Variants in ETV1 observed in about 807,000 individuals in gnomAD.
The protein encoded by ETV1 is ETS variant transcription factor 1.
A neutral mutation model predicts 62.3 loss-of-function variants in ETV1; 27 were observed. The ratio of observed to expected loss-of-function variants is 0.43; its 90% confidence interval spans 0.32 to 0.60. The LOEUF (loss-of-function observed/expected upper bound fraction) is 0.60, where lower values mean the gene tolerates loss of function less well. ETV1 is among the 20% of genes least tolerant of loss of function. ETV1 has a pLI of 0.06. For missense variants in ETV1, 605 were observed against 605.8 expected, an observed-to-expected ratio of 1.00 and a Z score of 0.01; for synonymous variants, 222 against 199.6, an observed-to-expected ratio of 1.11 and a Z score of -0.94.
chr7:13,900,930 C>T (rs1359768540), intron 12 of ETV1, 91 bp from the exon 13 acceptor site: 2 of 771,924 alleles, frequency 2.6e-6, no homozygotes, highest in Non-Finnish European at 4.1e-6. Flanking sequence ...TCCAAACCCA[C>T]AAAAATGTCC....
chr7:13,912,012 G>A (rs912209910), intron 9 of ETV1, among the ~76,000 whole-genome samples: 12 of 152,190 alleles, frequency 7.9e-5, no homozygotes, highest in Admixed American at 2.0e-4. Flanking sequence ...GGGACTGGAA[G>A]GGACAGTGTT....
chr7:13,926,074 T>G (rs1018986772), intron 9 of ETV1, among the ~76,000 whole-genome samples: 3 of 152,188 alleles, frequency 2.0e-5, no homozygotes, highest in Admixed American at 1.3e-4. Context: ...ATTAAATATT[T>G]TTCAAAAATC....
intron 9 of ETV1, among the ~76,000 whole-genome samples, chr7:13,917,793 T>C (rs1784352855): frequency 6.6e-6 from 1 of 151,606 alleles, no homozygotes; most frequent in African/African-American, 2.4e-5. Flanking sequence ...TGAAACCCCG[T>C]CTCTACTGAA....
intron 9 of ETV1, among the ~76,000 whole-genome samples, chr7:13,919,295 T>C (rs1429378107): frequency 6.6e-6 from 1 of 152,038 alleles, no homozygotes; most frequent in Non-Finnish European, 1.5e-5. Context: ...TTTACTATAA[T>C]ATTTCCAGTG....
chr7:13,907,624 G>A (rs989401718), intron 11 of ETV1, among the ~76,000 whole-genome samples: 1 of 152,066 alleles, frequency 6.6e-6, no homozygotes, highest in African/African-American at 2.4e-5. Context: ...AGGTGGAACT[G>A]CTCACATTGG....
rs547531442 is a variant in ETV1, at chr7:13,910,690, T to C, written c.871+549A>G. ...TATCCAGACGAAATCATTTTTACCA[T>C]TACTTTTTAGGTATCAAAGTCCTTT... On this transcript the variant is annotated intron_variant, in intron 10 of 13. Coordinates refer to ENST00000430479, the MANE Select transcript of ETV1 (RefSeq NM_004956.5). Among the ~76,000 whole-genome samples, 4 of 152,298 alleles carry C rather than the reference T, an allele frequency of 2.6e-5. No individual in the cohort carries two copies. In the South Asian group the frequency reaches 6.2e-4, roughly 24 times the overall value.
intron 13 of ETV1, among the ~76,000 whole-genome samples, chr7:13,899,582 A>G (rs891456017): frequency 6.6e-6 from 1 of 152,206 alleles, no homozygotes; most frequent in Admixed American, 6.5e-5. Flanking sequence ...GCCACAATCT[A>G]TAACATGTAA....
rs1786723930 is a variant in ETV1 at position 13,935,691 on chromosome 7, T to A, written c.554+17A>T. The A allele has an allele frequency of 6.2e-7, 1 of 1,600,664 alleles. No individual in the cohort carries two copies. The highest frequency in any genetic ancestry group is 1.1e-5 in the South Asian group (1 of 89,502). ...ACGCAAAAAACAGTTTCTAGAAAAC[T>A]GGTATCTGCAGGTTACCTGTGGTCC... On this transcript the variant is annotated intron_variant, in intron 8 of 13. Transcript: ENST00000430479.
chr7:13,944,051 G>T (rs907964985), intron 6 of ETV1, among the ~76,000 whole-genome samples: 7 of 152,172 alleles, frequency 4.6e-5, no homozygotes, highest in Admixed American at 4.6e-4. Context: ...CATCAGGAAT[G>T]GCTGCTAGCA....
intron 12 of ETV1, among the ~76,000 whole-genome samples, 166 bp from the exon 13 acceptor site, chr7:13,901,005 CTT>C (rs71974939): frequency 3.4e-3 from 449 of 132,090 alleles, no homozygotes; most frequent in Middle Eastern, 7.5e-3. Context: ...TCCTGGTTTG[CTT>C]TTTTTTTTTT....
intron 5 of ETV1, among the ~76,000 whole-genome samples, chr7:13,980,604 A>G (rs1781881471): frequency 6.6e-6 from 1 of 152,136 alleles, no homozygotes. Context: ...CAAAAGACCA[A>G]TAAAATGCTT....
rs1330184262 is a variant in ETV1 at position 13,893,949 on chromosome 7, A to G, written c.*1917T>C. 4.3e-6 allele frequency: 1 copy of G among 233,068 alleles called. No individual in the cohort carries two copies. The highest frequency in any genetic ancestry group is 8.5e-6 in the Non-Finnish European group (1 of 117,830). The allele number at this position is 233,068 out of a possible 1,614,324, so 14.4% of individuals were successfully genotyped here. A position where few individuals can be genotyped will look rare whatever the true frequency, so the allele number is the denominator to read the frequency against. On this transcript the variant is annotated 3_prime_UTR_variant, in exon 14 of 14. Coordinates refer to ENST00000430479, the MANE Select transcript of ETV1 (RefSeq NM_004956.5). The stretch of plus-strand genomic sequence containing the variant: ...ATCGCAGGTTACATACATATTTTGA[A>G]ATTGGAGTACTTTTTGTAGGATTAA...
chr7:13,963,074 C>T (rs1790375858), intron 6 of ETV1, among the ~76,000 whole-genome samples: 1 of 152,000 alleles, frequency 6.6e-6, no homozygotes, highest in South Asian at 2.1e-4. Context: ...ATATAGGAAC[C>T]ACACTAAAAC....
chr7:13,932,073 G>A (rs772461536), intron 8 of ETV1, among the ~76,000 whole-genome samples: 5 of 134,682 alleles, frequency 3.7e-5, no homozygotes, highest in Admixed American at 7.2e-5. Context: ...CACACACAAC[G>A]ATTAATGGCT....
chr7:13,986,823 A>T, intron 4 of ETV1, 138 bp from the exon 5 acceptor site: 1 of 681,462 alleles, frequency 1.5e-6, no homozygotes, highest in South Asian at 2.0e-5. Flanking sequence ...TAAAAAAAAG[A>T]GGCATAACTT....
intron 10 of ETV1, among the ~76,000 whole-genome samples, chr7:13,910,227 C>CTT (rs1307630076): frequency 1.1e-5 from 1 of 92,324 alleles, no homozygotes. Context: ...AAAAAGTTTC[C>CTT]CTTTTTTTTT....
At chr7:13,960,597 ATAAATTTATAAAATTTG>A (rs2128482384) in intron 6 of ETV1, among the ~76,000 whole-genome samples, 1 of 152,228 alleles carries the variant, frequency 6.6e-6, no homozygotes, top group South Asian at 2.1e-4. Context: ...TATAAAATTT[ATAAATTTATAAAATTTG>A]TAAATCTATA....
At chr7:13,952,617 C>T (rs569229166) in intron 6 of ETV1, among the ~76,000 whole-genome samples, 1 of 152,238 alleles carries the variant, frequency 6.6e-6, no homozygotes, top group South Asian at 2.1e-4. Flanking sequence ...TTTTAAAACA[C>T]TTGATGCTTT....
intron 6 of ETV1, among the ~76,000 whole-genome samples, chr7:13,975,591 A>G (rs958917492): frequency 5.6e-5 from 2 of 35,654 alleles, no homozygotes; most frequent in African/African-American, 1.5e-4. Context: ...AAAAGAAAAG[A>G]AAAAAAAAAA....
Sources: gnomAD v4.1 joint callset for allele counts (sites outside exome capture counted in the v4.1 genomes callset) on GRCh38, gnomAD v4.1.1 for gene constraint, MANE v1.5 for transcripts, NCBI Gene and HGNC (gene_info 2026-07-23, HGNC 2026-07-21) for gene names.